Variants in HLTF observed in about 807,000 individuals in gnomAD.
HLTF encodes DNA-dependent ATPase/E3 ubiquitin-protein ligase HLTF.
Under a neutral mutation model 129.4 loss-of-function variants are expected in HLTF, and 127 were observed. The observed-to-expected ratio is 0.98, with a 90% CI of 0.85 to 1.14. The LOEUF is 1.14. Ranked by LOEUF, HLTF falls within the 50% of genes most tolerant of loss-of-function variation. The pLI is 0.00. For missense variants in HLTF, 1,139 were observed against 1,187.1 expected (o/e 0.96, Z 0.60); for synonymous variants, 332 against 388.8 (o/e 0.85, Z 1.72).
rs772368736 is a variant in HLTF at position 149,048,900 on chromosome 3, T to C, written c.1719A>G (p.Val573=). The part of the protein sequence containing the change: ...RNPNAQQTKA[V]LDLESERRWV... Reference sequence around the variant, plus strand: ...ATCTTCTTTCTGATTCTAAGTCAAGTACAGCTTTTGTCTGCTGAGCATTTG... The same window carrying C: ...ATCTTCTTTCTGATTCTAAGTCAAGCACAGCTTTTGTCTGCTGAGCATTTG... The change falls in exon 16 of 25, where the codon GTA becomes GTG. Residue 573 remains valine (V), a synonymous_variant. Transcript: ENST00000310053. 2.9e-5 allele frequency: 46 copies of C among 1,613,696 alleles called. No homozygotes were observed. Among genetic ancestry groups the C allele is most frequent in the Non-Finnish European group, 3.9e-5 (46 of 1,179,656 alleles).
intron 9 of HLTF, among the ~76,000 whole-genome samples, chr3:149,063,937 TCAGAATGATCCATAC>T (rs1718155063): frequency 6.6e-6 from 1 of 152,188 alleles, no homozygotes; most frequent in African/African-American, 2.4e-5. Context: ...TACCCATTTA[TCAGAATGATCCATAC>T]CAGAATGATC....
chr3:149,080,581 C>T (rs1042718755), intron 2 of HLTF, among the ~76,000 whole-genome samples: 2 of 152,038 alleles, frequency 1.3e-5, no homozygotes, highest in Non-Finnish European at 2.9e-5. Flanking sequence ...TTATGCAAAT[C>T]CTAGAAAATA....
intron 19 of HLTF, 70 bp from the exon 20 acceptor site, chr3:149,041,738 G>T: frequency 8.8e-7 from 1 of 1,136,046 alleles, no homozygotes; most frequent in Non-Finnish European, 1.3e-6. Flanking sequence ...TATCTTATAA[G>T]GAAAAGTTTC....
intron 13 of HLTF, 86 bp downstream of exon 13, chr3:149,059,632 T>C (rs963335567): frequency 1.3e-6 from 1 of 756,258 alleles, no homozygotes; most frequent in Non-Finnish European, 2.2e-6. Flanking sequence ...CTTCTTGTAA[T>C]ATGGTTTTAT....
intron 23 of HLTF, among the ~76,000 whole-genome samples, chr3:149,036,526 A>G (rs1220413967): frequency 6.6e-6 from 1 of 152,032 alleles, no homozygotes; most frequent in Non-Finnish European, 1.5e-5. Context: ...TGACCTCATG[A>G]TCCGCCCACC....
chr3:149,050,385 A>C lies in HLTF; in HGVS notation c.1474-10T>G, dbSNP rs1250569914. 3 of 1,539,320 alleles carry C rather than the reference A, an allele frequency of 1.9e-6. No homozygotes were observed. In the Admixed American group the frequency reaches 5.8e-5, roughly 30 times the overall value. On this transcript the variant is annotated splice_polypyrimidine_tract_variant and intron_variant, in intron 14 of 24. Coordinates refer to ENST00000310053, the MANE Select transcript of HLTF (RefSeq NM_003071.4). The stretch of plus-strand genomic sequence containing the variant: ...GTTGTCCAAACTGGTCCTAAAGAAA[A>C]ATTAGGAATATTTTTAACAATGAGC...
intron 9 of HLTF, 41 bp from the exon 10 acceptor site, chr3:149,063,565 T>G (rs775341259): frequency 1.6e-6 from 2 of 1,228,272 alleles, no homozygotes; most frequent in Admixed American, 1.7e-5. Flanking sequence ...ATTAGTAAGG[T>G]GTCTTAGAAA....
intron 23 of HLTF, among the ~76,000 whole-genome samples, chr3:149,037,030 T>C (rs771890901): frequency 1.8e-4 from 28 of 152,212 alleles, no homozygotes; most frequent in Admixed American, 1.4e-3. Flanking sequence ...AAAATAAAAT[T>C]TGGGATTTGT....
At chr3:149,081,247 T>C (rs1719840714) in intron 2 of HLTF, among the ~76,000 whole-genome samples, 1 of 146,468 alleles carries the variant, frequency 6.8e-6, no homozygotes, top group African/African-American at 2.5e-5. Context: ...CTTAACCATA[T>C]GCTTATTGAA....
chr3:149,063,217 G>T, intron 10 of HLTF: 1 of 449,024 alleles, frequency 2.2e-6, no homozygotes, highest in Non-Finnish European at 4.2e-6. Context: ...CCACGACCAC[G>T]CCTGGCTAAT....
In HLTF at chr3:149,031,245, TAA is replaced by T. The variant is rs1226138611; in HGVS notation, c.*973_*974del. On this transcript the variant is annotated 3_prime_UTR_variant, in exon 25 of 25. Transcript: ENST00000310053. ...CAAGTTCAAAATCAAATTCTGATTC[TAA>T]ACACATAACAATTGTTTACATTCAG... 6.6e-6 allele frequency: 1 copy of T among 152,634 alleles called. No individual in the cohort carries two copies. The highest frequency in any genetic ancestry group is 2.4e-5 in the African/African-American group (1 of 41,464). 9.5% of individuals were successfully genotyped at this position (152,634 alleles called of 1,614,324 possible).
At chr3:149,083,461 A>G (rs904814917) in intron 2 of HLTF, among the ~76,000 whole-genome samples, 1 of 152,190 alleles carries the variant, frequency 6.6e-6, no homozygotes, top group African/African-American at 2.4e-5. Context: ...TTCTAAGATC[A>G]ATAACTACCA....
At chr3:149,065,417 T>G (rs1222388734) in intron 8 of HLTF, among the ~76,000 whole-genome samples, 1 of 152,202 alleles carries the variant, frequency 6.6e-6, no homozygotes, top group Non-Finnish European at 1.5e-5. Context: ...AAGGCACCAA[T>G]GTACATGAAT....
intron 18 of HLTF, 122 bp from the exon 19 acceptor site, chr3:149,042,412 G>A (rs1256523156): frequency 4.0e-6 from 3 of 747,928 alleles, no homozygotes; most frequent in African/African-American, 1.8e-5. Flanking sequence ...AAACAAGAAT[G>A]AAAAGCAGAA....
Position 149,068,269 on chromosome 3 carries a change from C to A in HLTF, c.961G>T (p.Glu321Ter), listed in dbSNP as rs770003320. Residue 321 changes from glutamate (E) to a stop codon, truncating the protein, a stop_gained, in exon 8 of 25, where the codon GAA becomes TAA. Coordinates refer to ENST00000310053, the MANE Select transcript of HLTF (RefSeq NM_003071.4). LOFTEE classifies it high-confidence loss of function. ...NFHDGRPLPIERVKKNLLKKE... is the reference protein window; with the variant it reads ...NFHDGRPLPI ...TTCAGTAGATTCTTTTTAACTCTTT[C>A]AATAGGAAGAGGTCTGCCATCATGG... The A allele has an allele frequency of 1.3e-6, 2 of 1,559,232 alleles. No homozygotes were observed. The highest frequency in any genetic ancestry group is 1.8e-6 in the Non-Finnish European group (2 of 1,136,452).
At chr3:149,055,547 T>A (rs1228830975) in intron 13 of HLTF, 147 bp from the exon 14 acceptor site, 2 of 606,850 alleles carry the variant, frequency 3.3e-6, no homozygotes, top group African/African-American at 3.7e-5. Context: ...GGAATAAATT[T>A]TACCTCATCA....
At chr3:149,041,194 C>G (rs1053257712) in intron 20 of HLTF, among the ~76,000 whole-genome samples, 1 of 152,030 alleles carries the variant, frequency 6.6e-6, no homozygotes, top group Non-Finnish European at 1.5e-5. Flanking sequence ...TTTCTTTTTA[C>G]TTAAGAGTAT....
At chr3:149,076,204 T>C (rs1719342155) in intron 2 of HLTF, among the ~76,000 whole-genome samples, 157 bp from the exon 3 acceptor site, 1 of 152,110 alleles carries the variant, frequency 6.6e-6, no homozygotes, top group Admixed American at 6.5e-5. Context: ...GAAATATTAA[T>C]ATATATTATT....
chr3:149,076,699 A>G (rs940141902), intron 2 of HLTF, among the ~76,000 whole-genome samples: 15 of 152,222 alleles, frequency 9.9e-5, no homozygotes, highest in African/African-American at 3.6e-4. Context: ...TGTATGATTT[A>G]ACTTAAATAT....
Sources: allele counts gnomAD v4.1 joint callset (sites outside exome capture counted in the v4.1 genomes callset), GRCh38; gene constraint gnomAD v4.1.1; transcripts MANE v1.5; gene names NCBI Gene and HGNC (gene_info 2026-07-23, HGNC 2026-07-21).